The following KIAA1217 variants were observed in gnomAD, a reference collection of about 807,000 sequenced individuals.
KIAA1217 encodes KIAA1217.
KIAA1217 carries 88 observed loss-of-function variants against 163.9 expected under a neutral mutation model. The observed-to-expected ratio is 0.54, with a 90% CI of 0.45 to 0.64. The LOEUF is 0.64. Ranked by LOEUF, KIAA1217 falls within the 30% of genes least tolerant of loss-of-function variation. The pLI is 0.00. For synonymous variants in KIAA1217, 903 were observed against 923.1 expected, an observed-to-expected ratio of 0.98 and a Z score of 0.39; for missense variants, 2,372 against 2,475.0, an observed-to-expected ratio of 0.96 and a Z score of 0.88.
intron 1 of KIAA1217, among the ~76,000 whole-genome samples, chr10:23,714,826 G>A (rs544977361): frequency 1.8e-3 from 281 of 152,222 alleles, no homozygotes; most frequent in African/African-American, 5.8e-3. Context: ...ATGGGCAGAA[G>A]CATGGTCTTG....
chr10:24,038,328 C>A (rs1984629), intron 2 of KIAA1217, among the ~76,000 whole-genome samples: 73,614 of 151,990 alleles, frequency 0.48, 18,605 homozygotes, highest in Middle Eastern at 0.64. Flanking sequence ...TGTGGATGAA[C>A]CAGCTTTACT....
chr10:24,101,797 C>CT (rs1207370303), intron 2 of KIAA1217, among the ~76,000 whole-genome samples: 1 of 151,874 alleles, frequency 6.6e-6, no homozygotes, highest in Non-Finnish European at 1.5e-5. Context: ...TCTGGTTTTG[C>CT]TTTTTGCTTT....
At chr10:24,462,495 A>G (rs79407973) in intron 5 of KIAA1217, among the ~76,000 whole-genome samples, 11,756 of 152,284 alleles carry the variant, frequency 0.077, 639 homozygotes, top group East Asian at 0.18. Context: ...AGTGCACAGC[A>G]GGTCACACGC....
intron 1 of KIAA1217, among the ~76,000 whole-genome samples, chr10:23,788,106 G>A (rs185054895): frequency 3.3e-5 from 5 of 152,266 alleles, no homozygotes; most frequent in Non-Finnish European, 7.4e-5. Flanking sequence ...GCTGAGTTGG[G>A]AGAACTGCTT....
At chr10:24,359,419 T>C (rs1319688260) in intron 2 of KIAA1217, among the ~76,000 whole-genome samples, 2 of 152,196 alleles carry the variant, frequency 1.3e-5, no homozygotes, top group Non-Finnish European at 2.9e-5. Flanking sequence ...AGAATATTAA[T>C]TATTTCAAAT....
At chr10:23,914,284 AT>A (rs1842553973) in intron 1 of KIAA1217, among the ~76,000 whole-genome samples, 2 of 152,250 alleles carry the variant, frequency 1.3e-5, no homozygotes, top group East Asian at 3.9e-4. Flanking sequence ...AGTCACCAAC[AT>A]GCACAATTCC....
chr10:24,316,536 A>C (rs535163428), intron 2 of KIAA1217, among the ~76,000 whole-genome samples: 2 of 152,136 alleles, frequency 1.3e-5, no homozygotes, highest in South Asian at 2.1e-4. Flanking sequence ...CCAGTGACCC[A>C]TGTCCACCCC....
intron 13 of KIAA1217, among the ~76,000 whole-genome samples, 191 bp from the exon 14 acceptor site, chr10:24,527,745 T>G (rs1166546524): frequency 6.6e-6 from 1 of 152,162 alleles, no homozygotes; most frequent in Non-Finnish European, 1.5e-5. Context: ...GCAGGTTTGT[T>G]GCATAAGTAA....
intron 1 of KIAA1217, among the ~76,000 whole-genome samples, chr10:23,765,709 G>A (rs1218594888): frequency 2.6e-5 from 4 of 152,088 alleles, no homozygotes; most frequent in Admixed American, 2.0e-4. Context: ...CCCGATCAGC[G>A]CTCTCCTGCT....
intron 2 of KIAA1217, among the ~76,000 whole-genome samples, chr10:24,313,012 A>G (rs988812030): frequency 6.6e-5 from 10 of 152,212 alleles, no homozygotes; most frequent in African/African-American, 2.2e-4. Context: ...TCAAAAATAA[A>G]TAAATAATAG....
intron 2 of KIAA1217, among the ~76,000 whole-genome samples, chr10:24,334,681 G>A (rs950649016): frequency 1.3e-5 from 2 of 152,152 alleles, no homozygotes; most frequent in African/African-American, 4.8e-5. Flanking sequence ...AATGAACCAT[G>A]TCTACCCTGC....
chr10:24,520,111 T>C lies in KIAA1217; in HGVS notation c.2178-12T>C, dbSNP rs1252046864. ...TGTTCAGCTCTATGTGCTGGTGTCC[T>C]TGCTCCCGCAGCGAGTTGGAAGACT... On this transcript the variant is annotated splice_polypyrimidine_tract_variant and intron_variant, in intron 10 of 20. Transcript: ENST00000376454. 6.2e-7 allele frequency: 1 copy of C among 1,613,272 alleles called. No individual in the cohort carries two copies. Among genetic ancestry groups the C allele is most frequent in the Admixed American group, 1.7e-5 (1 of 59,996 alleles).
chr10:23,886,853 C>A (rs1841196450), intron 1 of KIAA1217, among the ~76,000 whole-genome samples: 1 of 146,004 alleles, frequency 6.8e-6, no homozygotes, highest in Non-Finnish European at 1.5e-5. Context: ...TTTTTTTTAA[C>A]TTTTGAAGGA....
chr10:24,331,061 G>A (rs1377063416), intron 2 of KIAA1217, among the ~76,000 whole-genome samples: 2 of 151,446 alleles, frequency 1.3e-5, no homozygotes, highest in Non-Finnish European at 2.9e-5. Flanking sequence ...CTCCCACCTC[G>A]GTCTCCCAGG....
chr10:23,893,339 C>T lies in KIAA1217; in HGVS notation c.-320-113886C>T, dbSNP rs530545648. ...ATTTCTGTGGGATCGATGGTGATAT[C>T]CCCTTTATCATTTTTTATTGCATCT... On this transcript the variant is annotated intron_variant, in intron 1 of 18. Coordinates refer to the KIAA1217 transcript ENST00000376462. 3.0e-4 allele frequency among the ~76,000 whole-genome samples: 45 copies of T among 152,052 alleles called. No homozygotes were observed. The East Asian group carries it at 8.4e-3, about 28-fold the overall frequency.
At chr10:24,436,464 CA>C (rs34617087) in intron 4 of KIAA1217, among the ~76,000 whole-genome samples, 132 of 138,476 alleles carry the variant, frequency 9.5e-4, no homozygotes, top group Non-Finnish European at 1.1e-3. Flanking sequence ...TTATATAAGA[CA>C]AAAAAAAAAA....
At chr10:23,971,335 G>A (rs893295171) in intron 1 of KIAA1217, among the ~76,000 whole-genome samples, 2 of 152,204 alleles carry the variant, frequency 1.3e-5, no homozygotes, top group Admixed American at 6.5e-5. Context: ...TTATTGGGAA[G>A]CTGCTGATCA....
chr10:24,015,871 T>G (rs1238840085), intron 2 of KIAA1217, among the ~76,000 whole-genome samples: 1 of 151,752 alleles, frequency 6.6e-6, no homozygotes, highest in Non-Finnish European at 1.5e-5. Flanking sequence ...AACTTCAAAG[T>G]GTACTGGGAT....
intron 8 of KIAA1217, among the ~76,000 whole-genome samples, chr10:24,497,814 T>C (rs937547516): frequency 8.1e-6 from 1 of 122,952 alleles, no homozygotes; most frequent in African/African-American, 3.1e-5. Context: ...TAATGGACAT[T>C]GGAGACTCAG....
Sources: allele counts gnomAD v4.1 joint callset (sites outside exome capture counted in the v4.1 genomes callset), GRCh38; gene constraint gnomAD v4.1.1; transcripts MANE v1.5; gene names NCBI Gene and HGNC (gene_info 2026-07-23, HGNC 2026-07-21).